Variants in SPAST observed in about 807,000 individuals in gnomAD.
The protein encoded by SPAST is spastic paraplegia 4 (autosomal dominant; spastin).
SPAST carries 30 observed loss-of-function variants against 76.6 expected under a neutral mutation model. The observed-to-expected ratio is 0.39, with a 90% CI of 0.29 to 0.53. The LOEUF (loss-of-function observed/expected upper bound fraction) is 0.53, where lower values mean the gene tolerates loss of function less well. SPAST is among the 20% of genes least tolerant of loss of function. SPAST has a pLI of 0.68. For missense variants in SPAST, 717 were observed against 770.5 expected (o/e 0.93, Z 0.82); for synonymous variants, 305 against 281.0 (o/e 1.09, Z -0.86).
intron 1 of SPAST, among the ~76,000 whole-genome samples, chr2:32,067,595 T>C (rs552525621): frequency 1.3e-5 from 2 of 152,104 alleles, no homozygotes; most frequent in South Asian, 4.1e-4. Flanking sequence ...TATACTTAAA[T>C]CCTCCTAAAC....
chr2:32,081,708 C>T (rs1033692476), intron 1 of SPAST, among the ~76,000 whole-genome samples: 2 of 141,132 alleles, frequency 1.4e-5, no homozygotes, highest in African/African-American at 5.2e-5. Flanking sequence ...TGCTTGAACC[C>T]GAGAGGCAGA....
chr2:32,102,742 C>T (rs1678175694), intron 4 of SPAST, among the ~76,000 whole-genome samples: 1 of 152,164 alleles, frequency 6.6e-6, no homozygotes, highest in African/African-American at 2.4e-5. Context: ...TGGTTTTTGT[C>T]TTTGGTTCTG....
intron 1 of SPAST, among the ~76,000 whole-genome samples, chr2:32,075,795 C>G (rs1289007281): frequency 6.7e-6 from 1 of 150,328 alleles, no homozygotes; most frequent in Non-Finnish European, 1.5e-5. Context: ...CTCAAGTGAT[C>G]CCCCCTCCTT....
At chr2:32,091,248 TTATTA>T (rs1558625344) in intron 3 of SPAST, among the ~76,000 whole-genome samples, 1 of 1,558 alleles carries the variant, frequency 6.4e-4, no homozygotes, top group Non-Finnish European at 1.1e-3. Context: ...TATGAAGCTA[TTATTA>T]TTATTATTAT....
chr2:32,155,059 T>C lies in SPAST; in HGVS notation c.*563T>C, dbSNP rs927693227. On this transcript the variant is annotated 3_prime_UTR_variant, in exon 17 of 17. Coordinates refer to ENST00000315285, the MANE Select transcript of SPAST (RefSeq NM_014946.4). ...AACTGTAATAGGAAAAAGTTTATTT[T>C]GAGAGTTTCTTCTTCATAAATCTAC... 6 of 153,686 alleles carry C rather than the reference T, an allele frequency of 3.9e-5. No individual in the cohort carries two copies. The highest frequency in any genetic ancestry group is 1.4e-4 in the African/African-American group (6 of 41,596). The allele number at this position is 153,686 out of a possible 1,614,324, so 9.5% of individuals were successfully genotyped here. A position where few individuals can be genotyped will look rare whatever the true frequency, so the allele number is the denominator to read the frequency against.
intron 7 of SPAST, among the ~76,000 whole-genome samples, chr2:32,121,834 G>A (rs936467181): frequency 1.3e-5 from 2 of 152,142 alleles, no homozygotes; most frequent in Non-Finnish European, 2.9e-5. Flanking sequence ...ATGAGCCACC[G>A]TGCCCAGCCC....
chr2:32,127,596 C>A (rs1230958104), intron 8 of SPAST: 1 of 152,144 alleles, frequency 6.6e-6, no homozygotes, highest in East Asian at 1.9e-4. Flanking sequence ...ATCTTTCTAA[C>A]CCCTGATTTT....
rs868240769 is a variant in SPAST, at chr2:32,064,094, C to A, written c.263C>A (p.Ala88Glu). 3 of 1,610,596 alleles carry A rather than the reference C, an allele frequency of 1.9e-6. No individual in the cohort carries two copies. Among genetic ancestry groups the A allele is most frequent in the East Asian group, 2.2e-5 (1 of 44,744 alleles). Residue 88 changes from alanine (A) to glutamate (E), a missense_variant, in exon 1 of 17, where the codon GCA becomes GAA. By Grantham distance (107) the Ala-to-Glu change is moderately radical. Transcript: ENST00000315285. ...CAGCGCTTCTCCCGCGCCCTCATGG[C>A]AGCCAAGAGGAGCTCCGGGGCCGCG... ...LCQRFSRALMAAKRSSGAAPA... is the reference protein window; with the variant it reads ...LCQRFSRALMEAKRSSGAAPA...
chr2:32,078,721 G>T (rs1677075320), intron 1 of SPAST, among the ~76,000 whole-genome samples: 1 of 152,156 alleles, frequency 6.6e-6, no homozygotes, highest in African/African-American at 2.4e-5. Context: ...TAAGGGAAAT[G>T]ATTACTAATA....
chr2:32,084,672 G>C (rs1573063697), intron 1 of SPAST, among the ~76,000 whole-genome samples: 5 of 151,610 alleles, frequency 3.3e-5, no homozygotes, highest in African/African-American at 1.2e-4. Context: ...GATCACCTGA[G>C]GTCGGGAGTT....
intron 4 of SPAST, among the ~76,000 whole-genome samples, chr2:32,102,149 A>G (rs1024954507): frequency 2.0e-5 from 3 of 151,788 alleles, no homozygotes; most frequent in African/African-American, 7.3e-5. Flanking sequence ...CTTTTATTTC[A>G]TTGAGCAGTG....
At chr2:32,137,834 C>G (rs7582878) in intron 12 of SPAST, among the ~76,000 whole-genome samples, 1 of 152,090 alleles carries the variant, frequency 6.6e-6, no homozygotes, top group African/African-American at 2.4e-5. Flanking sequence ...TGTAGTAGTC[C>G]GCAGTGTGTA....
intron 7 of SPAST, among the ~76,000 whole-genome samples, chr2:32,125,433 G>A (rs1361937960): frequency 6.6e-6 from 1 of 151,990 alleles, no homozygotes; most frequent in Non-Finnish European, 1.5e-5. Flanking sequence ...ATGTTGGTCA[G>A]GCTGGTCTTG....
intron 4 of SPAST, among the ~76,000 whole-genome samples, chr2:32,105,158 C>T (rs919592713): frequency 2.6e-5 from 4 of 152,104 alleles, no homozygotes; most frequent in Non-Finnish European, 5.9e-5. Flanking sequence ...TTTCCTTTTA[C>T]TCTTTTTTCT....
rs573495024 is a variant in SPAST, at chr2:32,141,274, A to ATC, written c.1494-630_1494-629insTC. ...CCTTCTTATAAAGATAATTCGTCTT[A>ATC]GAGTTTCTTTGTTCATTCTCACCTT... On this transcript the variant is annotated intron_variant, in intron 12 of 16. Transcript: ENST00000315285. 5.9e-5 allele frequency among the ~76,000 whole-genome samples: 9 copies of ATC among 152,362 alleles called. No individual in the cohort carries two copies. The South Asian group carries it at 1.9e-3, about 32-fold the overall frequency.
At chr2:32,148,635 C>G (rs1679973941) in intron 16 of SPAST, among the ~76,000 whole-genome samples, 1 of 152,096 alleles carries the variant, frequency 6.6e-6, no homozygotes, top group African/African-American at 2.4e-5. Flanking sequence ...TGGTGAAACC[C>G]TGTCTCCACT....
chr2:32,064,776 TTTA>T (rs1676442729), intron 1 of SPAST, among the ~76,000 whole-genome samples: 1 of 152,192 alleles, frequency 6.6e-6, no homozygotes, highest in African/African-American at 2.4e-5. Flanking sequence ...AGATAATCAT[TTTA>T]TCAGTACAAC....
chr2:32,082,799 C>T (rs190600810), intron 1 of SPAST, among the ~76,000 whole-genome samples: 128 of 152,242 alleles, frequency 8.4e-4, no homozygotes, highest in African/African-American at 3.1e-3. Flanking sequence ...GCTTCTCTCC[C>T]TTTGCATAAT....
At chr2:32,081,004 C>T (rs1183726096) in intron 1 of SPAST, among the ~76,000 whole-genome samples, 1 of 150,536 alleles carries the variant, frequency 6.6e-6, no homozygotes, top group Admixed American at 6.6e-5. Context: ...TGTCACCCAG[C>T]CTGGAGTGCA....
Sources: allele counts gnomAD v4.1 joint callset (sites outside exome capture counted in the v4.1 genomes callset), GRCh38; gene constraint gnomAD v4.1.1; transcripts MANE v1.5; gene names NCBI Gene and HGNC (gene_info 2026-07-23, HGNC 2026-07-21).